NALF1: variants seen among roughly 807,000 people sequenced by gnomAD.
NALF1 encodes the protein family with sequence similarity 155 member A.
NALF1 carries 3 observed loss-of-function variants against 48.4 expected under a neutral mutation model. The ratio of observed to expected loss-of-function variants is 0.06; its 90% CI spans 0.03 to 0.16. The LOEUF is 0.16. Ranked by LOEUF, NALF1 falls within the 10% of genes least tolerant of loss-of-function variation. NALF1 has a pLI of 1.00. For missense variants in NALF1, 526 were observed against 571.5 expected, an observed-to-expected ratio of 0.92 and a Z score of 0.81; for synonymous variants, 262 against 245.7, an observed-to-expected ratio of 1.07 and a Z score of -0.62.
rs573720910 is a variant in NALF1 at position 107,777,481 on chromosome 13, C to G, written c.915+88201G>C. On this transcript the variant is annotated intron_variant, in intron 1 of 2. Coordinates refer to ENST00000375915, the MANE Select transcript of NALF1 (RefSeq NM_001080396.3). ...GATCACGGGGGCAGATCTCTCCTGG[C>G]TTGCTGCTCTCTTTATGATAGTGAG... Among the ~76,000 whole-genome samples, 8 of 152,324 alleles carry G rather than the reference C, an allele frequency of 5.3e-5. No homozygotes were observed. In the South Asian group the frequency reaches 1.7e-3, roughly 32 times the overall value.
intron 1 of NALF1, among the ~76,000 whole-genome samples, chr13:107,329,857 G>A: frequency 6.6e-6 from 1 of 152,126 alleles, no homozygotes; most frequent in Admixed American, 6.6e-5. Context: ...TGGCTGCATA[G>A]CTACTTTTCC....
chr13:107,252,645 T>C lies in NALF1; in HGVS notation c.916-41890A>G, dbSNP rs144281797. On this transcript the variant is annotated intron_variant, in intron 1 of 2. Transcript: ENST00000375915. ...TTCTAATTCCTTGCAAGTGAATCAC[T>C]AAGGCCAGTCCACACTCGGGGTGGG... is the stretch of plus-strand genomic sequence containing the variant. Among the ~76,000 whole-genome samples, 1,446 of 152,200 alleles carry C rather than the reference T, an allele frequency of 9.5e-3. 23 individuals are homozygous for C. Among genetic ancestry groups the C allele is most frequent in the African/African-American group, 0.033 (1,370 of 41,520 alleles).
chr13:107,531,995 G>A (rs939579311), intron 1 of NALF1, among the ~76,000 whole-genome samples: 5 of 152,034 alleles, frequency 3.3e-5, no homozygotes, highest in Non-Finnish European at 7.4e-5. Context: ...AGCTGAATTT[G>A]CATACTTACC....
chr13:107,170,809 T>A (rs1258638612), intron 2 of NALF1, 23 bp from the exon 3 acceptor site: 2 of 1,607,982 alleles, frequency 1.2e-6, no homozygotes, highest in East Asian at 2.2e-5. Flanking sequence ...GGAAGTAGAG[T>A]GTCAGCAGGA....
chr13:107,208,887 C>T (rs755373385), intron 2 of NALF1, among the ~76,000 whole-genome samples: 4 of 151,908 alleles, frequency 2.6e-5, no homozygotes, highest in Non-Finnish European at 5.9e-5. Flanking sequence ...CCTTCCTCCC[C>T]CTCCTCCCCC....
At chr13:107,171,651 G>A (rs983319029) in intron 2 of NALF1, among the ~76,000 whole-genome samples, 2 of 152,118 alleles carry the variant, frequency 1.3e-5, no homozygotes, top group Non-Finnish European at 2.9e-5. Context: ...TTTGGAAGTG[G>A]TGAAAAGAAT....
intron 1 of NALF1, among the ~76,000 whole-genome samples, chr13:107,347,942 T>G (rs1882803784): frequency 6.6e-6 from 1 of 152,214 alleles, no homozygotes; most frequent in South Asian, 2.1e-4. Flanking sequence ...TACGCCAGCC[T>G]GGACTTGGGT....
chr13:107,841,055 G>GTCA (rs1168868090), intron 1 of NALF1, among the ~76,000 whole-genome samples: 2 of 151,984 alleles, frequency 1.3e-5, no homozygotes, highest in Non-Finnish European at 2.9e-5. Context: ...AGGGGCAGGG[G>GTCA]TCATCATCCA....
intron 1 of NALF1, among the ~76,000 whole-genome samples, chr13:107,778,276 ATG>A (rs1417465783): frequency 6.6e-6 from 1 of 152,202 alleles, no homozygotes; most frequent in Non-Finnish European, 1.5e-5. Context: ...GTGTAAAGGA[ATG>A]TATTTGGAGC....
chr13:107,859,638 C>T (rs995554858), intron 1 of NALF1, among the ~76,000 whole-genome samples: 8 of 152,124 alleles, frequency 5.3e-5, no homozygotes, highest in Non-Finnish European at 2.9e-5. Context: ...TGCGGTGGCT[C>T]ATGCCTGTAA....
chr13:107,810,194 C>G (rs1003877121), intron 1 of NALF1, among the ~76,000 whole-genome samples: 1 of 152,060 alleles, frequency 6.6e-6, no homozygotes, highest in Non-Finnish European at 1.5e-5. Context: ...GACCAACAAC[C>G]TCTTCCCAAT....
intron 1 of NALF1, among the ~76,000 whole-genome samples, chr13:107,460,972 G>GAGAC (rs1268243458): frequency 6.6e-6 from 1 of 152,056 alleles, no homozygotes; most frequent in Non-Finnish European, 1.5e-5. Context: ...TGTACATGAG[G>GAGAC]AGACACCTTT....
rs1341092910 is a variant in NALF1, at chr13:107,659,976, C to T, written c.915+205706G>A. ...TCCATCTCCTGACCTTGTGATCCGC[C>T]TGCCTTGGCCTCCCAAAGTGCTGGG... is the stretch of plus-strand genomic sequence containing the variant. On this transcript the variant is annotated intron_variant, in intron 1 of 2. Coordinates refer to ENST00000375915, the MANE Select transcript of NALF1 (RefSeq NM_001080396.3). 2.6e-5 allele frequency among the ~76,000 whole-genome samples: 4 copies of T among 151,894 alleles called. 1 individual carries two copies. Among genetic ancestry groups the T allele is most frequent in the Non-Finnish European group, 5.9e-5 (4 of 67,972 alleles).
Position 107,213,230 on chromosome 13 carries a change from C to CAAAAAAA in NALF1, c.916-2482_916-2476dup, listed in dbSNP as rs386380636. Among the ~76,000 whole-genome samples the CAAAAAAA allele has an allele frequency of 8.4e-3, 862 of 103,110 alleles. 10 individuals carry two copies. The highest frequency in any genetic ancestry group is 0.01 in the Non-Finnish European group (577 of 55,436). 67.6% of individuals were successfully genotyped at this position (103,110 alleles called of 152,430 possible). On this transcript the variant is annotated intron_variant, in intron 1 of 2. Transcript: ENST00000375915. ...TTCCTTTGCAGATTTTTTTTTAACT[C>CAAAAAAA]AAAAAAAAAAAAAAAAAAAAGAAAA...
chr13:107,442,169 C>T (rs1435034620), intron 1 of NALF1, among the ~76,000 whole-genome samples: 2 of 151,760 alleles, frequency 1.3e-5, no homozygotes, highest in African/African-American at 2.4e-5. Flanking sequence ...CTGAAAAACT[C>T]GTTAGGAGAA....
chr13:107,287,435 T>G (rs1478641610), intron 1 of NALF1, among the ~76,000 whole-genome samples: 1 of 152,200 alleles, frequency 6.6e-6, no homozygotes, highest in Non-Finnish European at 1.5e-5. Context: ...TGCCTCTTCA[T>G]TACCCTCTCA....
intron 1 of NALF1, among the ~76,000 whole-genome samples, chr13:107,509,928 C>T (rs1875826955): frequency 1.3e-5 from 2 of 152,046 alleles, no homozygotes; most frequent in Non-Finnish European, 2.9e-5. Context: ...ACATCAGCTC[C>T]CCAAATTAGC....
intron 1 of NALF1, among the ~76,000 whole-genome samples, chr13:107,371,346 C>T (rs962876352): frequency 1.2e-4 from 18 of 151,970 alleles, no homozygotes; most frequent in Admixed American, 2.0e-4. Flanking sequence ...ACTCGGGAGA[C>T]GGAGGTAGAA....
At position 107,198,965 on chromosome 13, in the gene NALF1, T is replaced by C. The variant is rs1317665090; in HGVS notation, c.1087+11619A>G. On this transcript the variant is annotated intron_variant, in intron 2 of 2. Transcript: ENST00000375915. ...GGCCCTAACTCCCAGTACGCTAACA[T>C]GTAAATGTATTTCACAATATGTGTG... 3.9e-5 allele frequency among the ~76,000 whole-genome samples: 6 copies of C among 152,304 alleles called. No homozygotes were observed. In the South Asian group the frequency reaches 6.2e-4, roughly 16 times the overall value.
Sources: allele counts gnomAD v4.1 joint callset (sites outside exome capture counted in the v4.1 genomes callset), GRCh38; gene constraint gnomAD v4.1.1; transcripts MANE v1.5; gene names NCBI Gene and HGNC (gene_info 2026-07-23, HGNC 2026-07-21).